Variants in WWOX observed in about 807,000 individuals in gnomAD.
The protein encoded by WWOX is WW domain containing oxidoreductase, also known as WW domain-containing oxidoreductase.
WWOX carries 69 observed loss-of-function variants against 46.2 expected under a neutral mutation model. The ratio of observed to expected loss-of-function variants is 1.49; its 90% CI spans 1.23 to 1.82. The LOEUF (loss-of-function observed/expected upper bound fraction) is 1.82, where lower values mean the gene tolerates loss of function less well. WWOX is among the 40% of genes most tolerant of loss of function. The pLI, the probability that WWOX is intolerant of heterozygous loss-of-function variation, is 0.00. For missense variants in WWOX, 919 were observed against 542.6 expected, an observed-to-expected ratio of 1.69 and a Z score of -6.89; for synonymous variants, 359 against 202.6, an observed-to-expected ratio of 1.77 and a Z score of -6.56.
At chr16:78,691,133 T>C (rs2047977773) in intron 8 of WWOX, 2 of 655,068 alleles carry the variant, frequency 3.1e-6, no homozygotes. Context: ...GCTTTAGAAG[T>C]TCATAAAAGC....
chr16:78,105,911 C>G (rs1451268433), intron 1 of WWOX, among the ~76,000 whole-genome samples: 1 of 152,216 alleles, frequency 6.6e-6, no homozygotes, highest in Admixed American at 6.5e-5. Context: ...AGGAAATTCT[C>G]ATGCCTCAGC....
chr16:78,982,682 C>A (rs550923030), intron 8 of WWOX, among the ~76,000 whole-genome samples: 5 of 152,082 alleles, frequency 3.3e-5, no homozygotes, highest in Non-Finnish European at 7.3e-5. Flanking sequence ...TATTTTAGAC[C>A]GGGCTCCTCA....
chr16:78,822,139 G>A (rs529361051), intron 8 of WWOX, among the ~76,000 whole-genome samples: 4 of 152,094 alleles, frequency 2.6e-5, no homozygotes, highest in Non-Finnish European at 4.4e-5. Context: ...GCCTCCCAAA[G>A]TGCTGGGATT....
intron 8 of WWOX, among the ~76,000 whole-genome samples, chr16:78,564,563 C>A (rs1050731044): frequency 9.9e-5 from 15 of 152,158 alleles, no homozygotes; most frequent in African/African-American, 3.6e-4. Context: ...GGAGACCTTT[C>A]TCAGAGGTCT....
chr16:79,092,945 A>T (rs147834824), intron 8 of WWOX, among the ~76,000 whole-genome samples: 21 of 152,320 alleles, frequency 1.4e-4, no homozygotes, highest in African/African-American at 5.1e-4. Flanking sequence ...TCTATAATAT[A>T]GAATGCTATT....
In WWOX at chr16:78,164,415, A is replaced by G. The variant is rs1322586953; in HGVS notation, c.516+126A>G. The G allele has an allele frequency of 3.5e-6, 3 of 856,480 alleles. No homozygotes were observed. In the East Asian group the frequency reaches 8.0e-5, roughly 23 times the overall value. 53.1% of individuals were successfully genotyped at this position (856,480 alleles called of 1,614,324 possible). A position where few individuals can be genotyped will look rare whatever the true frequency, so the allele number is the denominator to read the frequency against. ...GAATCATGTCTTTATTTTTAAAGTC[A>G]TCTTCACTTTGTTTGTCTTATGAAT... On this transcript the variant is annotated intron_variant, in intron 5 of 8. Coordinates refer to ENST00000566780, the MANE Select transcript of WWOX (RefSeq NM_016373.4).
At chr16:78,988,877 A>C (rs577311228) in intron 8 of WWOX, among the ~76,000 whole-genome samples, 105 of 152,288 alleles carry the variant, frequency 6.9e-4, no homozygotes, top group Non-Finnish European at 1.2e-3. Context: ...TCAGTGGAGA[A>C]ACGAGCTCTG....
chr16:79,085,948 T>C (rs2048846622), intron 8 of WWOX, among the ~76,000 whole-genome samples: 1 of 152,044 alleles, frequency 6.6e-6, no homozygotes, highest in Non-Finnish European at 1.5e-5. Flanking sequence ...GCTACTCACC[T>C]GTAGTCCCAG....
intron 8 of WWOX, among the ~76,000 whole-genome samples, chr16:78,852,627 A>G (rs1010781975): frequency 3.3e-5 from 5 of 152,170 alleles, no homozygotes; most frequent in African/African-American, 1.2e-4. Flanking sequence ...TTGACCCAGA[A>G]AATCTATGTG....
intron 8 of WWOX, among the ~76,000 whole-genome samples, chr16:78,460,963 T>G (rs114923449): frequency 6.7e-6 from 1 of 150,008 alleles, no homozygotes; most frequent in Non-Finnish European, 1.5e-5. Context: ...TAATGTTGAT[T>G]ACTAAGTTCT....
At chr16:78,655,394 G>A (rs1377415480) in intron 8 of WWOX, among the ~76,000 whole-genome samples, 2 of 152,180 alleles carry the variant, frequency 1.3e-5, no homozygotes, top group African/African-American at 4.8e-5. Context: ...GAGGGAACAA[G>A]TAAATTAAAC....
intron 5 of WWOX, among the ~76,000 whole-genome samples, chr16:78,379,606 G>A (rs143025612): frequency 6.6e-6 from 1 of 152,282 alleles, no homozygotes; most frequent in African/African-American, 2.4e-5. Context: ...AGAACGCAAG[G>A]CCCACATGCA....
chr16:79,092,280 A>G (rs974669869), intron 8 of WWOX, among the ~76,000 whole-genome samples: 2 of 152,192 alleles, frequency 1.3e-5, no homozygotes, highest in Non-Finnish European at 2.9e-5. Context: ...ATTAAAACCT[A>G]AAGAGATAAC....
intron 8 of WWOX, among the ~76,000 whole-genome samples, chr16:78,824,988 G>T (rs529375813): frequency 1.3e-5 from 2 of 152,190 alleles, no homozygotes; most frequent in Non-Finnish European, 2.9e-5. Context: ...AAATGGCAGC[G>T]TTATAGCCAT....
At chr16:78,682,113 C>T (rs2047744192) in intron 8 of WWOX, among the ~76,000 whole-genome samples, 1 of 152,206 alleles carries the variant, frequency 6.6e-6, no homozygotes, top group Non-Finnish European at 1.5e-5. Flanking sequence ...ACATTGTAGA[C>T]ACTCAGCAAA....
At chr16:78,224,127 C>A (rs1451131665) in intron 5 of WWOX, among the ~76,000 whole-genome samples, 1 of 152,074 alleles carries the variant, frequency 6.6e-6, no homozygotes, top group Non-Finnish European at 1.5e-5. Context: ...CCTCAGCCTC[C>A]CAAGTAGCTG....
chr16:78,969,662 C>T (rs2046432479), intron 8 of WWOX, among the ~76,000 whole-genome samples: 1 of 152,018 alleles, frequency 6.6e-6, no homozygotes, highest in African/African-American at 2.4e-5. Flanking sequence ...GAGTTTCCTG[C>T]AGCTTTAATA....
chr16:78,477,758 T>A (rs527735970), intron 8 of WWOX, among the ~76,000 whole-genome samples: 1 of 152,310 alleles, frequency 6.6e-6, no homozygotes, highest in Non-Finnish European at 1.5e-5. Context: ...TTTAGCACTT[T>A]AATTTTTTAA....
chr16:78,653,116 C>G (rs1279813697), intron 8 of WWOX, among the ~76,000 whole-genome samples: 1 of 151,286 alleles, frequency 6.6e-6, no homozygotes, highest in Non-Finnish European at 1.5e-5. Context: ...GCATTTTTTT[C>G]AACAAATTGG....
Sources: gnomAD v4.1 joint callset for allele counts (sites outside exome capture counted in the v4.1 genomes callset) on GRCh38, gnomAD v4.1.1 for gene constraint, MANE v1.5 for transcripts, NCBI Gene and HGNC (gene_info 2026-07-23, HGNC 2026-07-21) for gene names.